DRC11: variants seen among roughly 807,000 people sequenced by gnomAD.
DRC11 encodes dynein regulatory complex subunit 11, also known as IQ and AAA domain-containing protein 1.
chr2:236,329,711 G>A, the DRC11 span, among the ~76,000 whole-genome samples: 3 of 152,282 alleles, frequency 2.0e-5, no homozygotes, highest in South Asian at 6.2e-4. Flanking sequence ...ATCTACTTGG[G>A]GCCAGGCACA....
chr2:236,383,328 C>G, the DRC11 span, among the ~76,000 whole-genome samples: 2 of 152,096 alleles, frequency 1.3e-5, no homozygotes, highest in Non-Finnish European at 2.9e-5. Flanking sequence ...GTATTTAAAT[C>G]TCATCTTTTT....
At chr2:236,408,842 C>A in the DRC11 span, 1 of 655,972 alleles carries the variant, frequency 1.5e-6, no homozygotes. This position sits in a 1 kb window ranked among gnomAD's most constrained non-coding sequence, Gnocchi z 5.5. Context: ...GCAGTGTCTC[C>A]ACAATAGTCA....
At chr2:236,505,214 T>C in the DRC11 span, among the ~76,000 whole-genome samples, 3 of 152,214 alleles carry the variant, frequency 2.0e-5, no homozygotes, top group Non-Finnish European at 4.4e-5. Flanking sequence ...CAGACTGTTA[T>C]TTCTACAGCT....
chr2:236,417,573 T>TA, the DRC11 span, among the ~76,000 whole-genome samples: 923 of 151,098 alleles, frequency 6.1e-3, 10 homozygotes, highest in African/African-American at 0.021. Context: ...TTTTTTTTTT[T>TA]ATATTACTTT....
the DRC11 span, among the ~76,000 whole-genome samples, chr2:236,355,201 A>G: frequency 6.6e-6 from 1 of 152,078 alleles, no homozygotes; most frequent in Non-Finnish European, 1.5e-5. Flanking sequence ...CCCCACCCAC[A>G]GTGGGTTTTG....
At chr2:236,437,794 T>C in the DRC11 span, among the ~76,000 whole-genome samples, 1 of 152,086 alleles carries the variant, frequency 6.6e-6, no homozygotes, top group Non-Finnish European at 1.5e-5. Context: ...GGGTCGTTTG[T>C]TTTTTTCTTG....
chr2:236,311,062 C>T, the DRC11 span, among the ~76,000 whole-genome samples: 513 of 152,324 alleles, frequency 3.4e-3, 3 homozygotes, highest in African/African-American at 0.011. This position sits in a 1 kb window ranked among gnomAD's most constrained non-coding sequence, Gnocchi z 6.9. Context: ...CCTCTGGGGA[C>T]GACACACTGT....
the DRC11 span, among the ~76,000 whole-genome samples, chr2:236,386,673 T>C: frequency 7.3e-5 from 11 of 151,694 alleles, no homozygotes; most frequent in East Asian, 1.9e-4. Flanking sequence ...TCAGTTCTGC[T>C]CTGATTTTAG....
At chr2:236,394,043 T>C in the DRC11 span, among the ~76,000 whole-genome samples, 1 of 152,022 alleles carries the variant, frequency 6.6e-6, no homozygotes, top group Non-Finnish European at 1.5e-5. The surrounding 1 kb of genome is among the most constrained non-coding windows in gnomAD (Gnocchi z 7.0). Context: ...TAAATAAATA[T>C]ATACAGTTCC....
At chr2:236,428,567 G>A in the DRC11 span, among the ~76,000 whole-genome samples, 1 of 151,712 alleles carries the variant, frequency 6.6e-6, no homozygotes, top group Admixed American at 6.6e-5. Flanking sequence ...GCTTTCTTTT[G>A]GATTCAATTT....
the DRC11 span, among the ~76,000 whole-genome samples, chr2:236,378,760 G>C: frequency 6.6e-6 from 1 of 152,050 alleles, no homozygotes; most frequent in Non-Finnish European, 1.5e-5. Context: ...GGACTCCGAG[G>C]CCCCTCTGCC....
chr2:236,465,474 C>T, the DRC11 span: 1 of 1,578,648 alleles, frequency 6.3e-7, no homozygotes, highest in Non-Finnish European at 8.7e-7. The surrounding 1 kb of genome is among the most constrained non-coding windows in gnomAD (Gnocchi z 6.2). Context: ...AAAGAACAGA[C>T]TGGATATGTC....
chr2:236,459,632 T>TATACGTATATACATATATATGTATATAC, the DRC11 span, among the ~76,000 whole-genome samples: 14 of 139,576 alleles, frequency 1.0e-4, no homozygotes, highest in African/African-American at 3.6e-4. Flanking sequence ...TACATACGTA[T>TATACGTATATACATATATATGTATATAC]ATACGTATAT....
At chr2:236,478,345 A>G in the DRC11 span, among the ~76,000 whole-genome samples, 2 of 152,192 alleles carry the variant, frequency 1.3e-5, no homozygotes, top group African/African-American at 4.8e-5. The surrounding 1 kb of genome is among the most constrained non-coding windows in gnomAD (Gnocchi z 5.9). Context: ...CCATGTTTGT[A>G]TAATTTCCAA....
At chr2:236,490,438 G>A in the DRC11 span, among the ~76,000 whole-genome samples, 1 of 152,178 alleles carries the variant, frequency 6.6e-6, no homozygotes, top group African/African-American at 2.4e-5. The surrounding 1 kb of genome is among the most constrained non-coding windows in gnomAD (Gnocchi z 5.5). Flanking sequence ...ATCCCTCTGA[G>A]TTTGTTTTCA....
At chr2:236,378,409 C>A in the DRC11 span, among the ~76,000 whole-genome samples, 1 of 152,224 alleles carries the variant, frequency 6.6e-6, no homozygotes, top group East Asian at 1.9e-4. Flanking sequence ...TGTGATGGCT[C>A]ACACCTGTAA....
chr2:236,333,782 G>A, the DRC11 span, among the ~76,000 whole-genome samples: 55 of 152,182 alleles, frequency 3.6e-4, 1 homozygote, highest in Non-Finnish European at 1.0e-4. The surrounding 1 kb of genome is among the most constrained non-coding windows in gnomAD (Gnocchi z 6.0). Context: ...CCTTCTTGCA[G>A]GAGTAATCAC....
the DRC11 span, among the ~76,000 whole-genome samples, chr2:236,419,637 T>A: frequency 6.6e-6 from 1 of 152,182 alleles, no homozygotes; most frequent in African/African-American, 2.4e-5. The surrounding 1 kb of genome is among the most constrained non-coding windows in gnomAD (Gnocchi z 4.8). Flanking sequence ...CCACAGCTCG[T>A]CAAAATCCAG....
At chr2:236,485,464 T>C in the DRC11 span, among the ~76,000 whole-genome samples, 1 of 152,170 alleles carries the variant, frequency 6.6e-6, no homozygotes, top group Non-Finnish European at 1.5e-5. Context: ...TCAAGCCAAG[T>C]AGCTCACCAG....
Sources: allele counts gnomAD v4.1 joint callset (sites outside exome capture counted in the v4.1 genomes callset), GRCh38; gene constraint gnomAD v4.1.1; non-coding constraint Gnocchi (gnomAD v3.1); transcripts MANE v1.5; gene names NCBI Gene and HGNC (gene_info 2026-07-23, HGNC 2026-07-21).